SPEG: variants seen among roughly 807,000 people sequenced by gnomAD.
SPEG encodes the protein striated muscle enriched protein kinase.
SPEG carries 114 observed loss-of-function variants against 300.4 expected under a neutral mutation model. The observed-to-expected ratio is 0.38, with a 90% CI of 0.33 to 0.44. SPEG has a LOEUF of 0.44. Among genes scored for constraint, SPEG ranks in the 20% least tolerant of loss-of-function variants. SPEG has a pLI of 1.00. For synonymous variants in SPEG, 1,964 were observed against 2,018.9 expected (o/e 0.97, Z 0.73); for missense variants, 4,201 against 4,586.2 (o/e 0.92, Z 2.43).
rs1201059506 is a variant in SPEG, at chr2:219,489,796, G to A, written c.8778G>A (p.Lys2926=). ...PAPEPPPEPT[K]VTVQSLSPAK... Reference sequence around the variant, plus strand: ...CTGAGCCCCCTCCTGAGCCTACCAAGGTGACTGTGCAGAGCCTCAGCCCGG... The same window carrying A: ...CTGAGCCCCCTCCTGAGCCTACCAAAGTGACTGTGCAGAGCCTCAGCCCGG... The change falls in exon 36 of 41, where the codon AAG becomes AAA. Residue 2926 remains lysine (K), a synonymous_variant. Transcript: ENST00000312358. 1.2e-6 allele frequency: 2 copies of A among 1,613,586 alleles called. No homozygotes were observed. The highest frequency in any genetic ancestry group is 2.7e-5 in the African/African-American group (2 of 74,930).
At position 219,464,693 on chromosome 2, in the gene SPEG, G is replaced by C; in HGVS notation, c.2881+85G>C. The C allele has an allele frequency of 2.1e-6, 3 of 1,411,144 alleles. No individual in the cohort carries two copies. Among genetic ancestry groups the C allele is most frequent in the Non-Finnish European group, 2.0e-6 (2 of 1,016,920 alleles). 87.4% of individuals were successfully genotyped at this position (1,411,144 alleles called of 1,614,324 possible). On this transcript the variant is annotated intron_variant, in intron 9 of 40. Coordinates refer to ENST00000312358, the MANE Select transcript of SPEG (RefSeq NM_005876.5). This position sits in a 1 kb window ranked among gnomAD's most constrained non-coding sequence, Gnocchi z 4.5. ...GTCTGCTCTCACACAGCCTCAGTTA[G>C]AGGATGCCACCACTGAAAGGGCCTT...
In SPEG at chr2:219,489,623, C is replaced by G. The variant is rs759074844; in HGVS notation, c.8605C>G (p.Pro2869Ala). ...CACCCTACCCAGTACCCACGTCACC[C>G]CAAGTGAGCCCAAGCCTTTCGTCCT... Reference protein sequence around the residue: ...EPTLPSTHVTPSEPKPFVLDT... With the variant: ...EPTLPSTHVTASEPKPFVLDT... The change falls in exon 36 of 41, where the codon CCA becomes GCA. Residue 2869 changes from proline to alanine, a missense_variant. Physicochemically the swap from Pro to Ala is conservative, Grantham distance 27. This residue lies in a region of SPEG where 1,578 missense variants were observed against 1,506.0 expected (regional missense o/e 1.05). Transcript: ENST00000312358. 6.2e-7 allele frequency: 1 copy of G among 1,613,802 alleles called. No individual in the cohort carries two copies. Among genetic ancestry groups the G allele is most frequent in the Admixed American group, 1.7e-5 (1 of 60,000 alleles).
In SPEG at chr2:219,469,377, A is replaced by G. The variant is rs1691670080; in HGVS notation, c.3713A>G (p.Gln1238Arg). 4.3e-6 allele frequency: 7 copies of G among 1,611,488 alleles called. No homozygotes were observed. The highest frequency in any genetic ancestry group is 1.7e-5 in the Admixed American group (1 of 59,924). Residue 1238 changes from glutamine to arginine, a missense_variant and splice_region_variant, in exon 13 of 41, where the codon CAG becomes CGG. By Grantham distance (43) the Gln-to-Arg change is conservative. This residue lies in a region of SPEG where 1,047 missense variants were observed against 1,356.8 expected (regional missense o/e 0.77). Coordinates refer to ENST00000312358, the MANE Select transcript of SPEG (RefSeq NM_005876.5). The stretch of plus-strand genomic sequence containing the variant: ...AGCAGCGACGACCGGCGCATGACAC[A>G]GTGTACGTGTCTGGGAAGTTCCCCG... ...IQSSDDRRMTQYRDVHRLVFP... is the reference protein window; with the variant it reads ...IQSSDDRRMTRYRDVHRLVFP...
At position 219,473,874 on chromosome 2, in the gene SPEG, A is replaced by G. The variant is rs777026862; in HGVS notation, c.4418A>G (p.Gln1473Arg). Residue 1473 changes from glutamine (Q) to arginine (R), a missense_variant, in exon 18 of 41, where the codon CAG becomes CGG. Physicochemically the swap from Gln to Arg is conservative, Grantham distance 43. This residue lies in a region of SPEG where 1,047 missense variants were observed against 1,356.8 expected (regional missense o/e 0.77). Transcript: ENST00000312358. This position sits in a 1 kb window ranked among gnomAD's most constrained non-coding sequence, Gnocchi z 4.6. ...ACCGCCCGAAACCGTCACGGCACAC[A>G]GACCTGCTCGGTCACATTGGAGCTG... ...TCTARNRHGT[Q>R]TCSVTLELAE... The G allele has an allele frequency of 1.2e-6, 2 of 1,612,890 alleles. No homozygotes were observed. Among genetic ancestry groups the G allele is most frequent in the Admixed American group, 3.3e-5 (2 of 60,002 alleles).
intron 1 of SPEG, among the ~76,000 whole-genome samples, chr2:219,437,695 C>T (rs1954754302): frequency 6.6e-6 from 1 of 152,106 alleles, no homozygotes; most frequent in Non-Finnish European, 1.5e-5. Context: ...ACCTATCCCA[C>T]ATGCTTTGGA....
chr2:219,468,797 G>A, intron 11 of SPEG, 61 bp downstream of exon 11: 2 of 1,608,296 alleles, frequency 1.2e-6, no homozygotes, highest in Non-Finnish European at 1.7e-6. Flanking sequence ...GCGATGGGGT[G>A]CACCCAGAGG....
At chr2:219,465,815 G>T in intron 9 of SPEG, 1 of 600,868 alleles carries the variant, frequency 1.7e-6, no homozygotes, top group Non-Finnish European at 3.0e-6. Flanking sequence ...GCATGTGTGC[G>T]TGTGCGTGCG....
Position 219,484,706 on chromosome 2 carries a change from C to A in SPEG, c.7243C>A (p.Gln2415Lys), listed in dbSNP as rs908666867. The change falls in exon 30 of 41, where the codon CAG becomes AAG. Residue 2415 changes from glutamine (Q) to lysine (K), a missense_variant. Gln to Lys is a moderately conservative substitution (Grantham distance 53). Around this residue, in one of 4 missense-constraint regions of SPEG, gnomAD observed 1,578 missense variants for 1,506.0 expected, o/e 1.05. Coordinates refer to ENST00000312358, the MANE Select transcript of SPEG (RefSeq NM_005876.5). ...CCGCCGCCTCTCGCTGTCACTGTCC[C>A]AGCGGCTGCGGCGGACCCCTCCCGC... ...LVRRLSLSLS[Q>K]RLRRTPPAQR... 2.7e-6 allele frequency: 4 copies of A among 1,509,068 alleles called. No individual in the cohort carries two copies. The highest frequency in any genetic ancestry group is 2.6e-6 in the Non-Finnish European group (3 of 1,138,220). 93.5% of individuals were successfully genotyped at this position (1,509,068 alleles called of 1,614,324 possible).
chr2:219,464,901 G>A lies in SPEG; in HGVS notation c.2881+293G>A, dbSNP rs974051765. On this transcript the variant is annotated intron_variant, in intron 9 of 40. Coordinates refer to ENST00000312358, the MANE Select transcript of SPEG (RefSeq NM_005876.5). The surrounding 1 kb of genome is among the most constrained non-coding windows in gnomAD (Gnocchi z 4.5). Reference sequence around the variant, plus strand: ...GCCAGAGACCCTGCACCTGCCACTGGCCAAGCTCTCTCTACACTCTTCTGA... The same window carrying A: ...GCCAGAGACCCTGCACCTGCCACTGACCAAGCTCTCTCTACACTCTTCTGA... 2 of 399,884 alleles carry A rather than the reference G, an allele frequency of 5.0e-6. No homozygotes were observed. Among genetic ancestry groups the A allele is most frequent in the Non-Finnish European group, 9.1e-6 (2 of 219,004 alleles). 24.8% of individuals were successfully genotyped at this position (399,884 alleles called of 1,614,324 possible).
Position 219,451,609 on chromosome 2 carries a change from C to G in SPEG, c.2258-16C>G. ...CTGTGGGCCGTGGCGAGCCGGGTCCCTGTGCCTCCCCACAGTGTCCTGGCA... is the reference window on the plus strand; with the variant it reads ...CTGTGGGCCGTGGCGAGCCGGGTCCGTGTGCCTCCCCACAGTGTCCTGGCA... On this transcript the variant is annotated splice_polypyrimidine_tract_variant and intron_variant, in intron 5 of 40. Transcript: ENST00000312358. The surrounding 1 kb of genome is among the most constrained non-coding windows in gnomAD (Gnocchi z 6.4). 1 of 1,519,758 alleles carries G rather than the reference C, an allele frequency of 6.6e-7. No individual in the cohort carries two copies. The highest frequency in any genetic ancestry group is 8.8e-7 in the Non-Finnish European group (1 of 1,134,128). 94.1% of individuals were successfully genotyped at this position (1,519,758 alleles called of 1,614,324 possible). A position where few individuals can be genotyped will look rare whatever the true frequency, so the allele number is the denominator to read the frequency against.
At chr2:219,442,212 C>T in intron 1 of SPEG, 2 of 546,276 alleles carry the variant, frequency 3.7e-6, no homozygotes, top group Non-Finnish European at 2.6e-6. Context: ...CACCCGAGCC[C>T]CGCCGAGGGC....
chr2:219,448,564 T>C lies in SPEG; in HGVS notation c.1406T>C (p.Leu469Pro). Residue 469 changes from leucine (L) to proline (P), a missense_variant, in exon 4 of 41, where the codon CTG (leucine) becomes CCG (proline). Leu to Pro is a moderately conservative substitution (Grantham distance 98). This residue lies in a region of SPEG where 1,258 missense variants were observed against 1,293.9 expected (regional missense o/e 0.97). Coordinates refer to ENST00000312358, the MANE Select transcript of SPEG (RefSeq NM_005876.5). The part of the protein sequence containing the change: ...APGSVAERRR[L>P]FQQKAASLDE... ...GGCAGCGTGGCCGAGCGGCGCCGCC[T>C]GTTCCAGCAGAAAGCGGCCTCGCTG... 1 of 1,451,000 alleles carries C rather than the reference T, an allele frequency of 6.9e-7. No homozygotes were observed. Among genetic ancestry groups the C allele is most frequent in the Non-Finnish European group, 9.0e-7 (1 of 1,110,076 alleles). 89.9% of individuals were successfully genotyped at this position (1,451,000 alleles called of 1,614,324 possible).
intron 6 of SPEG, among the ~76,000 whole-genome samples, chr2:219,456,856 C>T (rs1690219725): frequency 7.9e-6 from 1 of 126,222 alleles, no homozygotes; most frequent in Non-Finnish European, 1.7e-5. Context: ...TCTCAGTGAG[C>T]TGAGATCATA....
In SPEG at chr2:219,483,606, C is replaced by T. The variant is rs1337207794; in HGVS notation, c.6143C>T (p.Pro2048Leu). ...VELPQRRSPS[P>L]GATRLARGGL... ...CTGCCGCAGCGCCGGAGCCCCAGCC[C>T]GGGAGCCACCCGCCTGGCCCGGGGA... Residue 2048 changes from proline (P) to leucine (L), a missense_variant, in exon 30 of 41, where the codon CCG becomes CTG. Pro to Leu is a moderately conservative substitution (Grantham distance 98, BLOSUM62 -3). Coordinates refer to ENST00000312358, the MANE Select transcript of SPEG (RefSeq NM_005876.5). 1 of 1,501,498 alleles carries T rather than the reference C, an allele frequency of 6.7e-7. No homozygotes were observed. The highest frequency in any genetic ancestry group is 2.1e-5 in the Admixed American group (1 of 47,238). 93.0% of individuals were successfully genotyped at this position (1,501,498 alleles called of 1,614,324 possible). A position where few individuals can be genotyped will look rare whatever the true frequency, so the allele number is the denominator to read the frequency against.
Position 219,463,160 on chromosome 2 carries a change from G to A in SPEG, c.2705+774G>A, listed in dbSNP as rs575182328. On this transcript the variant is annotated intron_variant, in intron 8 of 40. Coordinates refer to ENST00000312358, the MANE Select transcript of SPEG (RefSeq NM_005876.5). ...GGAGTTTGAGGTTGCAGTGAGCTAT[G>A]ATCATACCACTGCACTCCAGCCTGG... Among the ~76,000 whole-genome samples the A allele has an allele frequency of 4.0e-5, 6 of 151,796 alleles. No individual in the cohort carries two copies. In the South Asian group the frequency reaches 1.3e-3, roughly 32 times the overall value.
At chr2:219,462,273 T>C in intron 7 of SPEG, 25 bp from the exon 8 acceptor site, 1 of 1,546,770 alleles carries the variant, frequency 6.5e-7, no homozygotes, top group Non-Finnish European at 8.8e-7. Flanking sequence ...TGTCTTCCCC[T>C]GACACTTTGG....
rs756733788 is a variant in SPEG at position 219,443,234 on chromosome 2, T to C, written c.389-1419T>C. Reference sequence around the variant, plus strand: ...GTCCCTCTGTGAGGCATCGAGTTCCTGAAGACAGCCCATGAGATGTGGAAC... The same window carrying C: ...GTCCCTCTGTGAGGCATCGAGTTCCCGAAGACAGCCCATGAGATGTGGAAC... On this transcript the variant is annotated intron_variant, in intron 1 of 40. Coordinates refer to ENST00000312358, the MANE Select transcript of SPEG (RefSeq NM_005876.5). The surrounding 1 kb of genome is among the most constrained non-coding windows in gnomAD (Gnocchi z 4.6). 8 of 1,342,310 alleles carry C rather than the reference T, an allele frequency of 6.0e-6. 1 individual carries two copies. The East Asian group carries it at 1.4e-4, about 23-fold the overall frequency. 83.1% of individuals were successfully genotyped at this position (1,342,310 alleles called of 1,614,324 possible). A position where few individuals can be genotyped will look rare whatever the true frequency, so the allele number is the denominator to read the frequency against.
At chr2:219,491,939 A>C (rs1396599467) in intron 39 of SPEG, 70 bp downstream of exon 39, 1 of 1,426,512 alleles carries the variant, frequency 7.0e-7, no homozygotes, top group Non-Finnish European at 9.5e-7. Flanking sequence ...CCTTCTGCCA[A>C]CACCCTCTCC....
Position 219,442,128 on chromosome 2 carries a change from C to T in SPEG, c.389-2525C>T, listed in dbSNP as rs1158888019. 20 of 1,148,354 alleles carry T rather than the reference C, an allele frequency of 1.7e-5. No homozygotes were observed. The East Asian group carries it at 3.1e-4, about 18-fold the overall frequency. The allele number at this position is 1,148,354 out of a possible 1,614,324, so 71.1% of individuals were successfully genotyped here. On this transcript the variant is annotated intron_variant, in intron 1 of 40. Transcript: ENST00000312358. ...GCGGCGCCGGGAGGGGGCAGGGAGG[C>T]CTGGGCGCCCCGGAGGGAGGGCGGG...
Sources: allele counts gnomAD v4.1 joint callset (sites outside exome capture counted in the v4.1 genomes callset), GRCh38; gene constraint gnomAD v4.1.1; regional missense constraint gnomAD v4.1.1; non-coding constraint Gnocchi (gnomAD v3.1); transcripts MANE v1.5; gene names NCBI Gene and HGNC (gene_info 2026-07-23, HGNC 2026-07-21).